Variants in VPS13B observed in about 807,000 individuals in gnomAD.
The protein encoded by VPS13B is vacuolar protein sorting 13 homolog B.
VPS13B carries 285 observed loss-of-function variants against 426.4 expected under a neutral mutation model. The observed-to-expected ratio is 0.67, with a 90% CI of 0.61 to 0.74. The LOEUF (loss-of-function observed/expected upper bound fraction) is 0.74, where lower values mean the gene tolerates loss of function less well. Ranked by LOEUF, VPS13B falls within the 30% of genes least tolerant of loss-of-function variation. The pLI is 0.00. For missense variants in VPS13B, 4,537 were observed against 4,782.6 expected, an observed-to-expected ratio of 0.95 and a Z score of 1.51; for synonymous variants, 1,676 against 1,676.4, an observed-to-expected ratio of 1.00 and a Z score of 0.01.
intron 43 of VPS13B, among the ~76,000 whole-genome samples, chr8:99,805,971 A>G (rs946937288): frequency 3.9e-4 from 60 of 152,164 alleles, no homozygotes; most frequent in African/African-American, 1.4e-3. Context: ...GAACACAAAA[A>G]TGCCCTGGGC....
intron 30 of VPS13B, among the ~76,000 whole-genome samples, chr8:99,524,533 T>C (rs1822544690): frequency 6.6e-6 from 1 of 152,198 alleles, no homozygotes; most frequent in African/African-American, 2.4e-5. Flanking sequence ...GGCTTGTGCC[T>C]GGGATCCCAA....
chr8:99,852,494 A>G (rs559297866), intron 55 of VPS13B, among the ~76,000 whole-genome samples: 4 of 152,348 alleles, frequency 2.6e-5, no homozygotes, highest in South Asian at 4.1e-4. Context: ...GAGGTCAGAG[A>G]AGTAGAAGAG....
chr8:99,789,886 C>T (rs1812458604), intron 43 of VPS13B, among the ~76,000 whole-genome samples: 1 of 152,062 alleles, frequency 6.6e-6, no homozygotes. Context: ...AAAATGTTAT[C>T]AGTGGTTGCC....
intron 3 of VPS13B, among the ~76,000 whole-genome samples, chr8:99,084,135 G>A (rs1204421779): frequency 6.6e-6 from 1 of 152,070 alleles, no homozygotes; most frequent in African/African-American, 2.4e-5. Context: ...CAATTTCAGA[G>A]CCTGTTATTG....
At chr8:99,215,659 A>G (rs1815350568) in intron 17 of VPS13B, among the ~76,000 whole-genome samples, 1 of 152,166 alleles carries the variant, frequency 6.6e-6, no homozygotes, top group Non-Finnish European at 1.5e-5. Context: ...TCCACCAACA[A>G]AAAAATACAC....
chr8:99,767,589 A>G (rs1811290993), intron 40 of VPS13B, among the ~76,000 whole-genome samples: 1 of 151,394 alleles, frequency 6.6e-6, no homozygotes, highest in African/African-American at 2.4e-5. Flanking sequence ...TGGATTTTAT[A>G]CAGATAAAGT....
chr8:99,619,185 C>T (rs751743068), intron 33 of VPS13B, among the ~76,000 whole-genome samples: 2 of 152,134 alleles, frequency 1.3e-5, no homozygotes, highest in Non-Finnish European at 2.9e-5. Context: ...GAACCAAGCC[C>T]TGTGATTTAA....
At chr8:99,382,097 G>T (rs1055630522) in intron 19 of VPS13B, among the ~76,000 whole-genome samples, 1 of 152,002 alleles carries the variant, frequency 6.6e-6, no homozygotes, top group Non-Finnish European at 1.5e-5. Flanking sequence ...TTTCCCCATT[G>T]CCTGTTTTTT....
At chr8:99,738,693 A>G (rs1304961182) in intron 39 of VPS13B, among the ~76,000 whole-genome samples, 1 of 152,230 alleles carries the variant, frequency 6.6e-6, no homozygotes, top group Non-Finnish European at 1.5e-5. Flanking sequence ...CGTGTTGAAA[A>G]TCTTCAGTTA....
intron 6 of VPS13B, among the ~76,000 whole-genome samples, chr8:99,112,504 C>T (rs542791744): frequency 2.0e-4 from 31 of 152,000 alleles, no homozygotes; most frequent in East Asian, 7.7e-4. Context: ...TTTTTCCACA[C>T]GGTGTATAAT....
intron 6 of VPS13B, among the ~76,000 whole-genome samples, chr8:99,112,638 G>A (rs1179246867): frequency 1.3e-5 from 2 of 152,070 alleles, no homozygotes; most frequent in Admixed American, 6.6e-5. Flanking sequence ...AGGGAAATAC[G>A]CTTATTTTCT....
In VPS13B at chr8:99,823,868, G is replaced by T; in HGVS notation, c.9220G>T (p.Gly3074Cys). ...QFCISSMVQQ[G>C]IQIIQIEDKT... Reference sequence around the variant, plus strand: ...CTGCATTTCCTCCATGGTACAGCAAGGTATACAAATTATTCAGATTGAAGA... The same window carrying T: ...CTGCATTTCCTCCATGGTACAGCAATGTATACAAATTATTCAGATTGAAGA... Residue 3074 changes from glycine (G) to cysteine (C), a missense_variant, in exon 51 of 62, where the codon GGT (glycine) becomes TGT (cysteine). This residue lies in a region of VPS13B where 4,311 missense variants were observed against 4,474.3 expected (regional missense o/e 0.96). Transcript: ENST00000357162. 1 of 1,613,508 alleles carries T rather than the reference G, an allele frequency of 6.2e-7. No individual in the cohort carries two copies. The highest frequency in any genetic ancestry group is 8.5e-7 in the Non-Finnish European group (1 of 1,179,836).
chr8:99,877,153 G>A lies in VPS13B; in HGVS notation c.*1487G>A, dbSNP rs565180233. 2.0e-5 allele frequency: 3 copies of A among 152,300 alleles called. No individual in the cohort carries two copies. Among genetic ancestry groups the A allele is most frequent in the East Asian group, 3.9e-4 (2 of 5,186 alleles). The allele number at this position is 152,300 out of a possible 1,614,324, so 9.4% of individuals were successfully genotyped here. A position where few individuals can be genotyped will look rare whatever the true frequency, so the allele number is the denominator to read the frequency against. On this transcript the variant is annotated 3_prime_UTR_variant, in exon 62 of 62. Transcript: ENST00000357162. ...TGGGATTACAGGTGTGAGCCACCAT[G>A]CCCAACACCCACTGATCTTTAACTC...
At chr8:99,544,147 G>C (rs1352378219) in intron 30 of VPS13B, among the ~76,000 whole-genome samples, 1 of 151,878 alleles carries the variant, frequency 6.6e-6, no homozygotes, top group Admixed American at 6.6e-5. Flanking sequence ...AAAATGATGA[G>C]TTCACGTCCT....
At chr8:99,401,601 C>T (rs538886542) in intron 21 of VPS13B, among the ~76,000 whole-genome samples, 1 of 152,150 alleles carries the variant, frequency 6.6e-6, no homozygotes, top group Admixed American at 6.6e-5. Flanking sequence ...CACAGTGGCT[C>T]ACACCTGTAA....
chr8:99,766,671 G>C, intron 39 of VPS13B, 103 bp from the exon 40 acceptor site: 1 of 977,760 alleles, frequency 1.0e-6, no homozygotes, highest in Non-Finnish European at 1.5e-6. Flanking sequence ...CTCCTCTAAA[G>C]GTCTTAATGT....
In VPS13B at chr8:99,383,233, C is replaced by T. The variant is rs1813923280; in HGVS notation, c.2825-975C>T. Among the ~76,000 whole-genome samples, 3 of 151,962 alleles carry T rather than the reference C, an allele frequency of 2.0e-5. No homozygotes were observed. In the South Asian group the frequency reaches 6.2e-4, roughly 32 times the overall value. ...TTTGTGTTTTATGTCAGAATGTTGG[C>T]CTGCATTTAATCTAGGCTGCCCTTT... On this transcript the variant is annotated intron_variant, in intron 19 of 61. Coordinates refer to ENST00000357162, the MANE Select transcript of VPS13B (RefSeq NM_152564.5).
Position 99,853,610 on chromosome 8 carries a change from G to C in VPS13B, c.10221G>C (p.Gly3407=), listed in dbSNP as rs746473073. ...CCCCGGGAGCTGGTCCCCTCCCTGG[G>C]GAAGAGCCTGTGGCTGCGTTGTTTG... The part of the protein sequence containing the change: ...CVAPGAGPLP[G]EEPVAALFEL... Residue 3407 remains glycine, a synonymous_variant, in exon 56 of 62, where the codon GGG becomes GGC. Coordinates refer to ENST00000357162, the MANE Select transcript of VPS13B (RefSeq NM_152564.5). 3 of 1,614,030 alleles carry C rather than the reference G, an allele frequency of 1.9e-6. No homozygotes were observed. Among genetic ancestry groups the C allele is most frequent in the Admixed American group, 1.7e-5 (1 of 60,002 alleles).
At chr8:99,814,225 T>C (rs1358600711) in intron 44 of VPS13B, among the ~76,000 whole-genome samples, 1 of 152,228 alleles carries the variant, frequency 6.6e-6, no homozygotes. Flanking sequence ...AATTGATGGT[T>C]ACAGAGAACT....
Sources: allele counts gnomAD v4.1 joint callset (sites outside exome capture counted in the v4.1 genomes callset), GRCh38; gene constraint gnomAD v4.1.1; regional missense constraint gnomAD v4.1.1; transcripts MANE v1.5; gene names NCBI Gene and HGNC (gene_info 2026-07-23, HGNC 2026-07-21).